Variants in ARHGAP6 observed in about 807,000 individuals in gnomAD.
ARHGAP6 encodes the protein Rho GTPase activating protein 6, also known as rho GTPase-activating protein 6.
Under a neutral mutation model 55.7 loss-of-function variants are expected in ARHGAP6, and 16 were observed. That is an observed-to-expected ratio of 0.29 (90% CI 0.19 to 0.44). The LOEUF is 0.44. ARHGAP6 is among the 20% of genes least tolerant of loss of function. ARHGAP6 has a pLI of 1.00. For synonymous variants in ARHGAP6, 382 were observed against 360.9 expected, an observed-to-expected ratio of 1.06 and a Z score of -0.66; for missense variants, 698 against 808.9, an observed-to-expected ratio of 0.86 and a Z score of 1.66.
intron 1 of ARHGAP6, among the ~76,000 whole-genome samples, chrX:11,542,423 C>T (rs1418911413): frequency 9.1e-6 from 1 of 110,243 alleles, no homozygotes; most frequent in Non-Finnish European, 1.9e-5. Context: ...GGCAGTGAGC[C>T]GAGATCGCGC....
intron 1 of ARHGAP6, among the ~76,000 whole-genome samples, chrX:11,308,972 C>T (rs908988421): frequency 1.8e-5 from 2 of 111,897 alleles, no homozygotes; most frequent in Non-Finnish European, 3.8e-5. Flanking sequence ...TCTGAATTTA[C>T]TCTTAAAGCA....
chrX:11,256,348 C>A (rs1269566481), intron 1 of ARHGAP6, among the ~76,000 whole-genome samples: 1 of 111,791 alleles, frequency 8.9e-6, no homozygotes, highest in Non-Finnish European at 1.9e-5. Context: ...AAGATCACAC[C>A]ACTGCATTCC....
At chrX:11,141,312 A>G (rs1449812093) in intron 12 of ARHGAP6, among the ~76,000 whole-genome samples, 1 of 112,118 alleles carries the variant, frequency 8.9e-6, no homozygotes, top group African/African-American at 3.2e-5. Flanking sequence ...TGAACTGAAG[A>G]TTAATTTTAT....
chrX:11,395,900 G>A (rs764260337), intron 1 of ARHGAP6, among the ~76,000 whole-genome samples: 2 of 111,582 alleles, frequency 1.8e-5, no homozygotes, highest in Non-Finnish European at 3.8e-5. Flanking sequence ...AAGAGCAACC[G>A]ACTGTAAAAA....
chrX:11,388,492 C>T lies in ARHGAP6; in HGVS notation c.589-133785G>A, dbSNP rs937044640. Among the ~76,000 whole-genome samples, 3 of 111,637 alleles carry T rather than the reference C, an allele frequency of 2.7e-5. No individual in the cohort carries two copies. In the Admixed American group the frequency reaches 2.8e-4, roughly 11 times the overall value. On this transcript the variant is annotated intron_variant, in intron 1 of 12. Transcript: ENST00000337414. ...TGAGTAGATTGCAAAAATTTTCTCC[C>T]GTTTTGTAGGTTGCCTGTTCACTCT...
At chrX:11,496,444 A>G (rs967649573) in intron 1 of ARHGAP6, among the ~76,000 whole-genome samples, 17 of 112,095 alleles carry the variant, frequency 1.5e-4, no homozygotes, top group South Asian at 3.7e-4. Context: ...AAGATTCTAA[A>G]AAAAGCTGTG....
At chrX:11,193,002 C>T (rs2046480745) in intron 3 of ARHGAP6, among the ~76,000 whole-genome samples, 1 of 112,566 alleles carries the variant, frequency 8.9e-6, no homozygotes, top group African/African-American at 3.2e-5. Context: ...TGGAATTATT[C>T]TGTATGAAAA....
chrX:11,379,910 A>ATC (rs2049243102), intron 1 of ARHGAP6, among the ~76,000 whole-genome samples: 1 of 111,244 alleles, frequency 9.0e-6, no homozygotes, highest in South Asian at 3.8e-4. Flanking sequence ...CAAACTACCT[A>ATC]AACACAGATG....
At chrX:11,660,248 T>G (rs1017275315) in intron 1 of ARHGAP6, among the ~76,000 whole-genome samples, 6 of 110,734 alleles carry the variant, frequency 5.4e-5, no homozygotes. Context: ...CTCTCATTTT[T>G]GTTCATACCC....
chrX:11,343,056 G>A (rs2048726845), intron 1 of ARHGAP6, among the ~76,000 whole-genome samples: 1 of 112,078 alleles, frequency 8.9e-6, no homozygotes, highest in Non-Finnish European at 1.9e-5. Flanking sequence ...TTATAGAGAG[G>A]CAATACACTT....
At chrX:11,515,655 A>AT (rs1358401008) in intron 1 of ARHGAP6, among the ~76,000 whole-genome samples, 1 of 112,236 alleles carries the variant, frequency 8.9e-6, no homozygotes, top group Non-Finnish European at 1.9e-5. Context: ...TCTAAAACAT[A>AT]TTTTTTATTA....
At chrX:11,232,688 T>C (rs768837298) in intron 2 of ARHGAP6, among the ~76,000 whole-genome samples, 2 of 112,252 alleles carry the variant, frequency 1.8e-5, no homozygotes, top group East Asian at 2.8e-4. Flanking sequence ...TAGTTAATAA[T>C]CATGACTGGT....
At chrX:11,501,409 A>C (rs1232660407) in intron 1 of ARHGAP6, among the ~76,000 whole-genome samples, 2 of 111,999 alleles carry the variant, frequency 1.8e-5, no homozygotes, top group African/African-American at 6.5e-5. Flanking sequence ...GTGATCTTAC[A>C]AAACAAAACA....
intron 1 of ARHGAP6, among the ~76,000 whole-genome samples, chrX:11,598,365 T>C (rs1257525814): frequency 2.7e-5 from 3 of 112,089 alleles, no homozygotes; most frequent in Non-Finnish European, 5.6e-5. Flanking sequence ...ATACATACTT[T>C]TATTATTCTT....
chrX:11,147,785 G>C (rs1380211278), intron 10 of ARHGAP6, among the ~76,000 whole-genome samples: 1 of 112,269 alleles, frequency 8.9e-6, no homozygotes, highest in Non-Finnish European at 1.9e-5. Flanking sequence ...ATAAATCCGG[G>C]TGTAGTGTAG....
chrX:11,619,627 A>AT (rs767153124), intron 1 of ARHGAP6, among the ~76,000 whole-genome samples: 2 of 111,643 alleles, frequency 1.8e-5, no homozygotes, highest in African/African-American at 3.3e-5. Context: ...TAACAAAAAT[A>AT]TTTTTTTATC....
chrX:11,379,492 C>T (rs751718667), intron 1 of ARHGAP6, among the ~76,000 whole-genome samples: 3 of 111,929 alleles, frequency 2.7e-5, no homozygotes, highest in Admixed American at 9.4e-5. Context: ...TCAAAGATGA[C>T]AATGAGGGAT....
At chrX:11,421,315 T>G (rs907016703) in intron 1 of ARHGAP6, among the ~76,000 whole-genome samples, 11 of 112,544 alleles carry the variant, frequency 9.8e-5, no homozygotes, top group Admixed American at 9.4e-5. Flanking sequence ...TATTGACATT[T>G]GAGGCTGGAC....
intron 1 of ARHGAP6, among the ~76,000 whole-genome samples, chrX:11,422,257 T>TA (rs756325120): frequency 9.9e-4 from 98 of 99,407 alleles, no homozygotes; most frequent in African/African-American, 2.2e-3. Flanking sequence ...TTGAAGGATG[T>TA]AAAAAAAAAA....
Sources: allele counts gnomAD v4.1 joint callset (sites outside exome capture counted in the v4.1 genomes callset), GRCh38; gene constraint gnomAD v4.1.1; transcripts MANE v1.5; gene names NCBI Gene and HGNC (gene_info 2026-07-23, HGNC 2026-07-21).